The following GPATCH2 variants were observed in gnomAD, a reference collection of about 807,000 sequenced individuals.
GPATCH2 encodes G patch domain-containing protein 2.
In GPATCH2, 51 loss-of-function variants were observed where a neutral mutation model predicts 58.0. That is an observed-to-expected ratio of 0.88 (90% CI 0.70 to 1.11). The LOEUF is 1.11. GPATCH2 is among the 50% of genes most tolerant of loss of function. The pLI is 0.00. For missense variants in GPATCH2, 625 were observed against 652.2 expected (o/e 0.96, Z 0.45); for synonymous variants, 222 against 218.5 (o/e 1.02, Z -0.14).
rs1243464272 is a variant in GPATCH2 at position 217,449,268 on chromosome 1, C to A, written c.1347G>T (p.Leu449Phe). Residue 449 changes from leucine (L) to phenylalanine (F), a missense_variant, in exon 9 of 10, where the codon TTG (leucine) becomes TTT (phenylalanine). Physicochemically the swap from Leu to Phe is conservative, Grantham distance 22. Coordinates refer to ENST00000366935, the MANE Select transcript of GPATCH2 (RefSeq NM_018040.5). ...TTTTACCTGCAGTAGTAGGTCCAGG[C>A]AAAGGTGCAGCTTTTCTTCTCCGTT... is the stretch of plus-strand genomic sequence containing the variant. ...DIKRRRKAAP[L>F]PGPTTAGFVG... The A allele has an allele frequency of 3.7e-6, 6 of 1,601,526 alleles. No individual in the cohort carries two copies. Among genetic ancestry groups the A allele is most frequent in the Non-Finnish European group, 5.1e-6 (6 of 1,168,592 alleles).
chr1:217,501,092 C>T (rs1050043709), intron 6 of GPATCH2, among the ~76,000 whole-genome samples: 2 of 152,064 alleles, frequency 1.3e-5, no homozygotes, highest in Admixed American at 1.3e-4. Context: ...ATCCATTTCA[C>T]TCCAACCCTC....
intron 8 of GPATCH2, among the ~76,000 whole-genome samples, chr1:217,478,761 T>TAA (rs2102513840): frequency 6.6e-6 from 1 of 152,208 alleles, no homozygotes; most frequent in African/African-American, 2.4e-5. Flanking sequence ...TATCAATATG[T>TAA]AAGTCCAAGA....
At chr1:217,539,325 T>G (rs929487220) in intron 5 of GPATCH2, among the ~76,000 whole-genome samples, 3 of 152,206 alleles carry the variant, frequency 2.0e-5, no homozygotes, top group African/African-American at 7.2e-5. Context: ...GAAGAGTTTA[T>G]ATGATTAAAC....
chr1:217,614,534 C>A (rs1432920788), intron 2 of GPATCH2, among the ~76,000 whole-genome samples: 3 of 151,992 alleles, frequency 2.0e-5, no homozygotes, highest in African/African-American at 7.2e-5. Flanking sequence ...TGCAATTCAG[C>A]TTGAGCCTGG....
chr1:217,430,929 G>A lies in GPATCH2; in HGVS notation c.*216C>T, dbSNP rs1292601367. 2 of 569,906 alleles carry A rather than the reference G, an allele frequency of 3.5e-6. No individual in the cohort carries two copies. Among genetic ancestry groups the A allele is most frequent in the Non-Finnish European group, 6.2e-6 (2 of 321,188 alleles). The allele number at this position is 569,906 out of a possible 1,614,324, so 35.3% of individuals were successfully genotyped here. On this transcript the variant is annotated 3_prime_UTR_variant, in exon 10 of 10. Coordinates refer to ENST00000366935, the MANE Select transcript of GPATCH2 (RefSeq NM_018040.5). ...TACCTAGAAATAGCTGGAAATTACT[G>A]AAAAAAATTAAAGTGCAGAGGTTTT...
In GPATCH2 at chr1:217,498,336, T is replaced by C. The variant is rs756169769; in HGVS notation, c.1206+20A>G. ...TGAAAGAGGCTGAGTAACTTCCTTT[T>C]GGATTACAATGGTCCTTACCTGGTC... is the stretch of plus-strand genomic sequence containing the variant. On this transcript the variant is annotated intron_variant, in intron 7 of 9. Transcript: ENST00000366935. 3.1e-6 allele frequency: 5 copies of C among 1,590,992 alleles called. No individual in the cohort carries two copies. The African/African-American group carries it at 5.4e-5, about 17-fold the overall frequency.
intron 8 of GPATCH2, among the ~76,000 whole-genome samples, chr1:217,457,595 T>A (rs752879769): frequency 1.7e-4 from 26 of 152,278 alleles, no homozygotes; most frequent in Admixed American, 5.9e-4. Flanking sequence ...ATGCTTAGTG[T>A]AGGGTGTCAC....
intron 8 of GPATCH2, among the ~76,000 whole-genome samples, chr1:217,476,438 A>G (rs1314459820): frequency 6.6e-6 from 1 of 152,074 alleles, no homozygotes; most frequent in Non-Finnish European, 1.5e-5. Flanking sequence ...GACTCACAAT[A>G]CCTGGATTTA....
rs1658404717 is a variant in GPATCH2 at position 217,428,483 on chromosome 1, G to A, written c.*2662C>T. The A allele has an allele frequency of 6.6e-6, 1 of 152,102 alleles. No homozygotes were observed. The allele number at this position is 152,102 out of a possible 1,614,324, so 9.4% of individuals were successfully genotyped here. On this transcript the variant is annotated 3_prime_UTR_variant, in exon 10 of 10. Coordinates refer to ENST00000366935, the MANE Select transcript of GPATCH2 (RefSeq NM_018040.5). ...GCACTAAAAAATTCGTATTTTAATT[G>A]CGTTTGTTTCTCCAATTAAGTTCAG...
At chr1:217,591,312 T>A (rs1487936780) in intron 5 of GPATCH2, among the ~76,000 whole-genome samples, 1 of 152,066 alleles carries the variant, frequency 6.6e-6, no homozygotes, top group Non-Finnish European at 1.5e-5. Context: ...TGTGTGTACG[T>A]GTGTGTGTGC....
rs544301609 is a variant in GPATCH2, at chr1:217,427,904, A to C, written c.*3241T>G. On this transcript the variant is annotated 3_prime_UTR_variant, in exon 10 of 10. Transcript: ENST00000366935. The stretch of plus-strand genomic sequence containing the variant: ...ACACCTATAGGTACACATTATGTAT[A>C]TCTTTACCCCTACTGTGTTAACTTC... 1 of 152,296 alleles carries C rather than the reference A, an allele frequency of 6.6e-6. No homozygotes were observed. The highest frequency in any genetic ancestry group is 1.9e-4 in the East Asian group (1 of 5,190). The allele number at this position is 152,296 out of a possible 1,614,324, so 9.4% of individuals were successfully genotyped here.
intron 5 of GPATCH2, among the ~76,000 whole-genome samples, chr1:217,563,967 C>T (rs749726436): frequency 8.3e-5 from 12 of 144,726 alleles, no homozygotes; most frequent in Non-Finnish European, 1.6e-4. Flanking sequence ...TCACTTGAAC[C>T]CGGGAGGCGG....
intron 5 of GPATCH2, among the ~76,000 whole-genome samples, chr1:217,596,160 A>G (rs549746740): frequency 5.3e-4 from 80 of 151,416 alleles, no homozygotes; most frequent in Non-Finnish European, 1.1e-3. Flanking sequence ...ATTGAAAAAT[A>G]AAACACACTT....
intron 6 of GPATCH2, among the ~76,000 whole-genome samples, chr1:217,514,301 A>G (rs528794631): frequency 6.6e-6 from 1 of 151,734 alleles, no homozygotes; most frequent in African/African-American, 2.4e-5. Context: ...CTGGGATTAC[A>G]GGCATGTGCC....
intron 5 of GPATCH2, among the ~76,000 whole-genome samples, chr1:217,597,816 C>T (rs1373236879): frequency 1.3e-5 from 2 of 152,086 alleles, no homozygotes; most frequent in Non-Finnish European, 2.9e-5. Context: ...AAAGGCATAT[C>T]GTTCTCTCTG....
intron 9 of GPATCH2, among the ~76,000 whole-genome samples, chr1:217,447,216 C>T (rs934831823): frequency 1.7e-4 from 26 of 152,082 alleles, no homozygotes; most frequent in Non-Finnish European, 1.8e-4. Flanking sequence ...CATGAATATT[C>T]GCATTTCTAC....
chr1:217,614,192 T>G lies in GPATCH2; in HGVS notation c.784A>C (p.Ser262Arg). The G allele has an allele frequency of 6.4e-7, 1 of 1,556,854 alleles. No homozygotes were observed. Among genetic ancestry groups the G allele is most frequent in the East Asian group, 2.2e-5 (1 of 44,556 alleles). ...AATCCAGCATCAGTGCTGCTGAGAC[T>G]GCTGGAATCACTGTAATAAGGAAAA... ...DELMSESDSS[S>R]LSSTDAGLFT... The change falls in exon 3 of 10, where the codon AGT becomes CGT. Residue 262 changes from serine (S) to arginine (R), a missense_variant. Ser to Arg is a moderately radical substitution (Grantham distance 110). Transcript: ENST00000366935.
chr1:217,610,464 G>GGA, intron 4 of GPATCH2, 64 bp from the exon 5 acceptor site: 1 of 929,644 alleles, frequency 1.1e-6, no homozygotes, highest in Non-Finnish European at 1.7e-6. Flanking sequence ...AAGAAGAAGA[G>GGA]GATCCTATCA....
At chr1:217,506,274 T>TGGTATACAGTCTTCTATACCGACAGTTTC (rs1662556638) in intron 6 of GPATCH2, among the ~76,000 whole-genome samples, 2 of 152,130 alleles carry the variant, frequency 1.3e-5, no homozygotes, top group South Asian at 4.1e-4. Context: ...ACTTTGGAAA[T>TGGTATACAGTCTTCTATACCGACAGTTTC]GGTATACAGT....
Sources: allele counts gnomAD v4.1 joint callset (sites outside exome capture counted in the v4.1 genomes callset), GRCh38; gene constraint gnomAD v4.1.1; transcripts MANE v1.5; gene names NCBI Gene and HGNC (gene_info 2026-07-23, HGNC 2026-07-21).